Variants in FAM3D observed in about 807,000 individuals in gnomAD.
FAM3D encodes the protein protein FAM3D.
A neutral mutation model predicts 29.8 loss-of-function variants in FAM3D; 26 were observed. The ratio of observed to expected loss-of-function variants is 0.87; its 90% confidence interval spans 0.64 to 1.21. The LOEUF (loss-of-function observed/expected upper bound fraction) is 1.21, where lower values mean the gene tolerates loss of function less well. FAM3D is among the 50% of genes most tolerant of loss of function. The probability of loss-of-function intolerance (pLI) is 0.00; values close to 1 mark genes in which losing one functional copy is unlikely to be tolerated. For synonymous variants in FAM3D, 115 were observed against 102.3 expected, an observed-to-expected ratio of 1.12 and a Z score of -0.75; for missense variants, 253 against 290.9, an observed-to-expected ratio of 0.87 and a Z score of 0.95.
At chr3:58,652,491 C>T (rs1036436224) in intron 3 of FAM3D, among the ~76,000 whole-genome samples, 3 of 147,750 alleles carry the variant, frequency 2.0e-5, no homozygotes, top group Non-Finnish European at 4.5e-5. Flanking sequence ...CATCCATCCA[C>T]CCTTCCCTCC....
chr3:58,636,142 C>T (rs1575467251), intron 9 of FAM3D, 152 bp downstream of exon 9: 3 of 1,272,916 alleles, frequency 2.4e-6, no homozygotes, highest in Non-Finnish European at 3.2e-6. Flanking sequence ...ATCAGACCAC[C>T]CTGGCCTTTG....
chr3:58,662,923 T>C (rs2066959636), intron 1 of FAM3D, among the ~76,000 whole-genome samples: 1 of 152,204 alleles, frequency 6.6e-6, no homozygotes, highest in African/African-American at 2.4e-5. Flanking sequence ...GTTTTTGAAA[T>C]GGAATCTTGC....
rs149034015 is a variant in FAM3D, at chr3:58,644,847, G to A, written c.263+662C>T. Among the ~76,000 whole-genome samples, 255 of 152,320 alleles carry A rather than the reference G, an allele frequency of 1.7e-3. 2 individuals are homozygous for A. The highest frequency in any genetic ancestry group is 5.8e-3 in the African/African-American group (242 of 41,576). ...GGTGATAGACAGCCCTGATGACATT[G>A]TTTGAATCCCTGGATCCAGGTGGTC... On this transcript the variant is annotated intron_variant, in intron 5 of 9. Coordinates refer to ENST00000358781, the MANE Select transcript of FAM3D (RefSeq NM_138805.3).
intron 3 of FAM3D, among the ~76,000 whole-genome samples, chr3:58,650,987 G>T (rs2066621725): frequency 6.7e-6 from 1 of 149,654 alleles, no homozygotes; most frequent in Non-Finnish European, 1.5e-5. Context: ...AAAGTGCTGG[G>T]ATTACAGGCG....
chr3:58,664,198 T>C (rs879695495), intron 1 of FAM3D, among the ~76,000 whole-genome samples: 26 of 152,228 alleles, frequency 1.7e-4, no homozygotes, highest in Non-Finnish European at 2.8e-4. Context: ...AAAGTTATTG[T>C]ATTTAAACCA....
chr3:58,651,989 G>T (rs1467431513), intron 3 of FAM3D, among the ~76,000 whole-genome samples: 1 of 152,202 alleles, frequency 6.6e-6, no homozygotes, highest in African/African-American at 2.4e-5. Context: ...GGAGTGACTG[G>T]TTTACTTGCT....
intron 5 of FAM3D, among the ~76,000 whole-genome samples, 186 bp downstream of exon 5, chr3:58,645,323 G>A (rs1010662656): frequency 1.3e-5 from 2 of 152,180 alleles, no homozygotes; most frequent in African/African-American, 2.4e-5. Context: ...TGAAGCACCA[G>A]GCAAGGTGCT....
At chr3:58,650,000 A>G (rs1176439550) in intron 3 of FAM3D, among the ~76,000 whole-genome samples, 1 of 152,194 alleles carries the variant, frequency 6.6e-6, no homozygotes, top group Non-Finnish European at 1.5e-5. Flanking sequence ...TGTTTGGCCC[A>G]TATTGGGGTG....
chr3:58,655,655 A>G, intron 1 of FAM3D, 54 bp from the exon 2 acceptor site: 1 of 1,445,298 alleles, frequency 6.9e-7, no homozygotes, highest in South Asian at 1.3e-5. Context: ...GCAAGTGATC[A>G]AGCCTGAAGA....
chr3:58,637,104 T>C, intron 8 of FAM3D, 37 bp downstream of exon 8: 1 of 1,580,174 alleles, frequency 6.3e-7, no homozygotes, highest in Non-Finnish European at 8.7e-7. Context: ...TCAGTTTGCA[T>C]CACTGTGTGG....
intron 1 of FAM3D, among the ~76,000 whole-genome samples, chr3:58,658,344 C>T (rs2106938659): frequency 6.6e-6 from 1 of 152,278 alleles, no homozygotes; most frequent in East Asian, 1.9e-4. Flanking sequence ...AGTTGAAGTT[C>T]AGAAAGGGCA....
intron 5 of FAM3D, 24 bp downstream of exon 5, chr3:58,645,484 AC>A: frequency 6.7e-7 from 1 of 1,502,848 alleles, no homozygotes. Flanking sequence ...AATAAAATAA[AC>A]ATAGTTGTGT....
chr3:58,662,278 C>T (rs145413903), intron 1 of FAM3D, among the ~76,000 whole-genome samples: 214 of 152,330 alleles, frequency 1.4e-3, no homozygotes, highest in African/African-American at 4.9e-3. Flanking sequence ...TCATTTCCGT[C>T]TGAGACAGCT....
chr3:58,659,909 C>T (rs1165634969), intron 1 of FAM3D, among the ~76,000 whole-genome samples: 3 of 152,188 alleles, frequency 2.0e-5, no homozygotes, highest in Non-Finnish European at 2.9e-5. Context: ...CAGCTCTTTT[C>T]CTCATTATCC....
chr3:58,639,984 C>G, intron 7 of FAM3D, 143 bp downstream of exon 7: 2 of 812,622 alleles, frequency 2.5e-6, no homozygotes, highest in South Asian at 3.0e-5. Context: ...CACCCTCAAC[C>G]CCCCACCGCA....
intron 6 of FAM3D, among the ~76,000 whole-genome samples, chr3:58,640,741 G>A (rs932065996): frequency 2.0e-5 from 3 of 152,254 alleles, no homozygotes; most frequent in Admixed American, 6.5e-5. Context: ...GTGGCCGAAG[G>A]CCAAGCCCTC....
At chr3:58,665,279 C>T (rs1169810775) in intron 1 of FAM3D, among the ~76,000 whole-genome samples, 1 of 152,024 alleles carries the variant, frequency 6.6e-6, no homozygotes, top group Non-Finnish European at 1.5e-5. Flanking sequence ...TCACCTTCCA[C>T]CACCAGCTAC....
intron 9 of FAM3D, 54 bp downstream of exon 9, chr3:58,636,239 AC>A (rs2066166879): frequency 1.3e-6 from 2 of 1,579,776 alleles, no homozygotes; most frequent in Non-Finnish European, 1.7e-6. Flanking sequence ...CCTTCCTACC[AC>A]CACCCAGCTC....
chr3:58,663,143 C>A (rs2066964391), intron 1 of FAM3D, among the ~76,000 whole-genome samples: 1 of 152,222 alleles, frequency 6.6e-6, no homozygotes, highest in Non-Finnish European at 1.5e-5. Context: ...AAGTGATCCA[C>A]CTGCCTTGGC....
Sources: allele counts gnomAD v4.1 joint callset (sites outside exome capture counted in the v4.1 genomes callset), GRCh38; gene constraint gnomAD v4.1.1; transcripts MANE v1.5; gene names NCBI Gene and HGNC (gene_info 2026-07-23, HGNC 2026-07-21).